The following HS3ST5 variants were observed in gnomAD, a reference collection of about 807,000 sequenced individuals.
HS3ST5 encodes heparan sulfate-glucosamine 3-sulfotransferase 5.
A neutral mutation model predicts 25.4 loss-of-function variants in HS3ST5; 10 were observed. The observed-to-expected ratio is 0.39, with a 90% CI of 0.24 to 0.67. HS3ST5 has a LOEUF of 0.67. HS3ST5 is among the 30% of genes least tolerant of loss of function. The probability of loss-of-function intolerance (pLI) is 0.44; values close to 1 mark genes in which losing one functional copy is unlikely to be tolerated. For synonymous variants in HS3ST5, 170 were observed against 162.4 expected (o/e 1.05, Z -0.36); for missense variants, 324 against 420.7 (o/e 0.77, Z 2.01).
At position 114,342,772 on chromosome 6, in the gene HS3ST5, A is replaced by G. The variant is rs1320112979; in HGVS notation, c.-916T>C. On this transcript the variant is annotated 5_prime_UTR_variant, in exon 1 of 5. Transcript: ENST00000312719. ...CGCTCCCTCCCAATCCGCCCAAAAG[A>G]GCAACACTCAGTGTGACTGGGATCT... 1 of 152,242 alleles carries G rather than the reference A, an allele frequency of 6.6e-6. No individual in the cohort carries two copies. The highest frequency in any genetic ancestry group is 1.9e-4 in the East Asian group (1 of 5,136). The allele number at this position is 152,242 out of a possible 1,614,324, so 9.4% of individuals were successfully genotyped here.
intron 1 of HS3ST5, among the ~76,000 whole-genome samples, chr6:114,313,025 GAAAA>G (rs5879258): frequency 6.2e-5 from 1 of 16,122 alleles, no homozygotes; most frequent in East Asian, 2.5e-3. Context: ...CCCTGCATCA[GAAAA>G]AAAAAAAAAA....
chr6:114,259,595 G>A (rs1773078265), intron 1 of HS3ST5, among the ~76,000 whole-genome samples: 1 of 152,210 alleles, frequency 6.6e-6, no homozygotes, highest in Non-Finnish European at 1.5e-5. Flanking sequence ...AAACTAAGCA[G>A]TTGTTTTATA....
At chr6:114,306,278 C>CAT (rs532519086) in intron 1 of HS3ST5, among the ~76,000 whole-genome samples, 12,585 of 141,250 alleles carry the variant, frequency 0.089, 680 homozygotes, top group African/African-American at 0.14. Flanking sequence ...CACACACACA[C>CAT]ATATATATAT....
chr6:114,081,687 C>G (rs1209312661), intron 3 of HS3ST5, among the ~76,000 whole-genome samples: 4 of 152,154 alleles, frequency 2.6e-5, no homozygotes, highest in African/African-American at 9.7e-5. Flanking sequence ...CCAATATCTC[C>G]TCCACACTAA....
chr6:114,295,034 G>A (rs1774754948), intron 1 of HS3ST5, among the ~76,000 whole-genome samples: 1 of 151,986 alleles, frequency 6.6e-6, no homozygotes, highest in South Asian at 2.1e-4. Context: ...TAATTAACAA[G>A]GCACTAAAAA....
chr6:114,285,818 A>T (rs1774315233), intron 1 of HS3ST5, among the ~76,000 whole-genome samples: 1 of 152,058 alleles, frequency 6.6e-6, no homozygotes, highest in African/African-American at 2.4e-5. Context: ...CCTGGAACTT[A>T]AAATAAAATA....
At chr6:114,091,353 C>T (rs536407387) in intron 3 of HS3ST5, among the ~76,000 whole-genome samples, 12 of 152,272 alleles carry the variant, frequency 7.9e-5, no homozygotes, top group African/African-American at 2.2e-4. Flanking sequence ...TGCATCCCTA[C>T]ATACAAATGC....
intron 2 of HS3ST5, among the ~76,000 whole-genome samples, chr6:114,206,628 T>C (rs776311630): frequency 6.6e-6 from 1 of 152,078 alleles, no homozygotes; most frequent in Non-Finnish European, 1.5e-5. Flanking sequence ...AATAATACTC[T>C]CTTTTAGCTC....
At chr6:114,341,403 G>C (rs937222964) in intron 1 of HS3ST5, among the ~76,000 whole-genome samples, 7 of 152,152 alleles carry the variant, frequency 4.6e-5, no homozygotes, top group Non-Finnish European at 8.8e-5. Context: ...TTGTTTGTTT[G>C]CTGGGCGCTT....
chr6:114,311,249 T>C (rs765310180), intron 1 of HS3ST5, among the ~76,000 whole-genome samples: 4 of 151,784 alleles, frequency 2.6e-5, no homozygotes, highest in African/African-American at 9.7e-5. Context: ...CTTCATTTAC[T>C]AAGATATAGA....
Position 114,223,212 on chromosome 6 carries a change from G to C in HS3ST5, c.-145+5373C>G, listed in dbSNP as rs7769013. Among the ~76,000 whole-genome samples, 44 of 151,536 alleles carry C rather than the reference G, an allele frequency of 2.9e-4. 4 individuals are homozygous for C. Among genetic ancestry groups the C allele is most frequent in the African/African-American group, 1.0e-3 (43 of 41,408 alleles). On this transcript the variant is annotated intron_variant, in intron 2 of 4. Transcript: ENST00000312719. ...ATATGACATTTCTTCATAATTTTAG[G>C]TTAGAAAATATAAGCTTCTTTTCTC...
chr6:114,108,543 A>T (rs892425642), intron 3 of HS3ST5, among the ~76,000 whole-genome samples: 1 of 152,044 alleles, frequency 6.6e-6, no homozygotes, highest in Non-Finnish European at 1.5e-5. Context: ...CAGAAGGGAA[A>T]CCCTTTCCTC....
intron 3 of HS3ST5, among the ~76,000 whole-genome samples, chr6:114,099,939 C>T (rs78626910): frequency 1.3e-5 from 2 of 152,046 alleles, no homozygotes; most frequent in East Asian, 3.9e-4. Context: ...AGGTACAGCT[C>T]AGGGAATAAC....
At chr6:114,320,454 C>T (rs1454989851) in intron 1 of HS3ST5, among the ~76,000 whole-genome samples, 1 of 152,046 alleles carries the variant, frequency 6.6e-6, no homozygotes, top group African/African-American at 2.4e-5. Context: ...AGTCTTCTTC[C>T]CTTCTATGAT....
At chr6:114,167,417 G>A (rs1187066099) in intron 3 of HS3ST5, 1 of 152,168 alleles carries the variant, frequency 6.6e-6, no homozygotes, top group Non-Finnish European at 1.5e-5. Flanking sequence ...AGTGTTTAAT[G>A]TGTGTCAGAT....
chr6:114,059,748 C>G (rs1437080285), intron 4 of HS3ST5: 2 of 152,236 alleles, frequency 1.3e-5, no homozygotes, highest in Non-Finnish European at 2.9e-5. Flanking sequence ...CCCAGCCATG[C>G]AGAACTGTGT....
chr6:114,293,863 T>C (rs1774692247), intron 1 of HS3ST5, among the ~76,000 whole-genome samples: 1 of 152,106 alleles, frequency 6.6e-6, no homozygotes, highest in African/African-American at 2.4e-5. Flanking sequence ...GAGAGACTAA[T>C]ATATTCAGGG....
chr6:114,288,181 T>C (rs78908685), intron 1 of HS3ST5, among the ~76,000 whole-genome samples: 1 of 152,040 alleles, frequency 6.6e-6, no homozygotes. Context: ...AAAGCAGCAG[T>C]GTGATCAACA....
At chr6:114,088,350 T>G (rs1774946321) in intron 3 of HS3ST5, among the ~76,000 whole-genome samples, 1 of 152,126 alleles carries the variant, frequency 6.6e-6, no homozygotes, top group Non-Finnish European at 1.5e-5. Context: ...TTCTGTGCTT[T>G]CTTATTCTTT....
Sources: allele counts gnomAD v4.1 joint callset (sites outside exome capture counted in the v4.1 genomes callset), GRCh38; gene constraint gnomAD v4.1.1; transcripts MANE v1.5; gene names NCBI Gene and HGNC (gene_info 2026-07-23, HGNC 2026-07-21).